Variants in PPP3CA observed in about 807,000 individuals in gnomAD.
PPP3CA encodes the protein CAM-PRP catalytic subunit.
A neutral mutation model predicts 66.5 loss-of-function variants in PPP3CA; 14 were observed. The ratio of observed to expected loss-of-function variants is 0.21; its 90% confidence interval spans 0.14 to 0.33. The LOEUF is 0.33. Ranked by LOEUF, PPP3CA falls within the 10% of genes least tolerant of loss-of-function variation. The pLI is 1.00. For synonymous variants in PPP3CA, 232 were observed against 226.2 expected, an observed-to-expected ratio of 1.03 and a Z score of -0.23; for missense variants, 317 against 639.5, an observed-to-expected ratio of 0.50 and a Z score of 5.44.
At chr4:101,282,627 A>G (rs17031119) in intron 1 of PPP3CA, among the ~76,000 whole-genome samples, 3,235 of 152,296 alleles carry the variant, frequency 0.021, 99 homozygotes, top group African/African-American at 0.074. Context: ...CAACCCAAAT[A>G]ATACTATTGT....
At chr4:101,230,573 A>C (rs935670209) in intron 1 of PPP3CA, among the ~76,000 whole-genome samples, 8 of 151,562 alleles carry the variant, frequency 5.3e-5, no homozygotes, top group Non-Finnish European at 1.2e-4. Context: ...ATAAAATAAA[A>C]AATGAATAAA....
intron 11 of PPP3CA, among the ~76,000 whole-genome samples, chr4:101,034,581 C>A (rs1727158081): frequency 6.6e-6 from 1 of 150,738 alleles, no homozygotes. Flanking sequence ...AGCACCCAGA[C>A]TAGAACAGTA....
intron 6 of PPP3CA, among the ~76,000 whole-genome samples, chr4:101,085,986 T>C (rs1037420452): frequency 6.6e-6 from 1 of 152,146 alleles, no homozygotes; most frequent in Non-Finnish European, 1.5e-5. Context: ...CAGTGATGAT[T>C]GTTCCATTTG....
intron 1 of PPP3CA, among the ~76,000 whole-genome samples, chr4:101,260,008 A>T (rs1560685729): frequency 6.6e-6 from 1 of 152,182 alleles, no homozygotes. Context: ...TTCAAGGCAG[A>T]AACTGCTGTC....
intron 10 of PPP3CA, among the ~76,000 whole-genome samples, chr4:101,055,189 T>A (rs1251845986): frequency 6.6e-6 from 1 of 152,132 alleles, no homozygotes; most frequent in Non-Finnish European, 1.5e-5. Flanking sequence ...TTACTGTTTC[T>A]CCAGACTTCC....
chr4:101,109,881 G>A (rs993565008), intron 2 of PPP3CA, among the ~76,000 whole-genome samples: 8 of 151,704 alleles, frequency 5.3e-5, no homozygotes, highest in South Asian at 2.1e-4. Flanking sequence ...TACTTATTTC[G>A]TTTCCACTTT....
intron 2 of PPP3CA, among the ~76,000 whole-genome samples, chr4:101,126,764 C>T (rs746382607): frequency 1.3e-5 from 2 of 152,200 alleles, no homozygotes; most frequent in Non-Finnish European, 2.9e-5. Context: ...AAAATAAACA[C>T]ATTCTCATTC....
intron 1 of PPP3CA, among the ~76,000 whole-genome samples, chr4:101,237,447 G>C (rs371325159): frequency 6.6e-6 from 1 of 151,876 alleles, no homozygotes; most frequent in East Asian, 1.9e-4. Context: ...TATTATACAC[G>C]ATCAACTTAT....
chr4:101,098,315 T>C (rs1274827786), intron 5 of PPP3CA, 52 bp downstream of exon 5: 2 of 1,506,830 alleles, frequency 1.3e-6, no homozygotes, highest in East Asian at 2.5e-5. Flanking sequence ...ATGTCTTCTA[T>C]TTATTACTGT....
chr4:101,107,779 A>G (rs1358049528), intron 3 of PPP3CA, among the ~76,000 whole-genome samples: 2 of 152,214 alleles, frequency 1.3e-5, no homozygotes, highest in Non-Finnish European at 2.9e-5. Context: ...CACTGAAATA[A>G]AAATTTTGAA....
intron 11 of PPP3CA, among the ~76,000 whole-genome samples, chr4:101,032,726 T>TAA (rs1553920425): frequency 6.6e-6 from 1 of 152,120 alleles, no homozygotes; most frequent in African/African-American, 2.4e-5. Context: ...ATGCTGATGT[T>TAA]AAGTTTTTCA....
chr4:101,174,090 C>A (rs942400723), intron 2 of PPP3CA, among the ~76,000 whole-genome samples: 3 of 151,348 alleles, frequency 2.0e-5, no homozygotes, highest in African/African-American at 7.3e-5. Flanking sequence ...AAAACTACGC[C>A]CCCCCCACCC....
At chr4:101,203,941 A>G (rs1725046584) in intron 1 of PPP3CA, among the ~76,000 whole-genome samples, 1 of 152,218 alleles carries the variant, frequency 6.6e-6, no homozygotes, top group Admixed American at 6.5e-5. Context: ...AGCATTATTG[A>G]TAAGTTTAAA....
chr4:101,080,383 G>A, intron 8 of PPP3CA, 149 bp downstream of exon 8: 1 of 368,954 alleles, frequency 2.7e-6, no homozygotes, highest in East Asian at 4.1e-5. Context: ...TATCTTTGAG[G>A]ATAATCACAA....
In PPP3CA at chr4:101,195,932, A is replaced by G. The variant is rs538155752; in HGVS notation, c.243T>C (p.Ile81=). Residue 81 remains isoleucine (I), a synonymous_variant, in exon 2 of 14, where the codon ATT becomes ATC. Transcript: ENST00000394854. ...AGGACTTACCAGTGACTGGCGCATC[A>G]ATATCCAGCAAATTTTTTTCCTGTC... ...ILRQEKNLLD[I]DAPVTVCGDI... 3 of 1,613,926 alleles carry G rather than the reference A, an allele frequency of 1.9e-6. No homozygotes were observed. The highest frequency in any genetic ancestry group is 4.5e-5 in the East Asian group (2 of 44,872).
intron 2 of PPP3CA, among the ~76,000 whole-genome samples, chr4:101,168,391 T>C (rs112351151): frequency 1.3e-5 from 2 of 152,100 alleles, no homozygotes; most frequent in African/African-American, 4.8e-5. Context: ...TAACTAGAAA[T>C]ATGAGACTGG....
At chr4:101,173,724 T>C (rs1723960376) in intron 2 of PPP3CA, among the ~76,000 whole-genome samples, 1 of 152,146 alleles carries the variant, frequency 6.6e-6, no homozygotes, top group South Asian at 2.1e-4. Flanking sequence ...ATAACCTCTC[T>C]GTTTTATATT....
chr4:101,128,355 A>G (rs1463100137), intron 2 of PPP3CA, among the ~76,000 whole-genome samples: 3 of 152,150 alleles, frequency 2.0e-5, no homozygotes, highest in Non-Finnish European at 2.9e-5. Flanking sequence ...ATCATACATT[A>G]TATGTATTGA....
rs1286623019 is a variant in PPP3CA, at chr4:101,023,464, T to C, written c.*2401A>G. On this transcript the variant is annotated 3_prime_UTR_variant, in exon 14 of 14. Transcript: ENST00000394854. ...ATGTCAAATGTTTATTTCTATGCCA[T>C]AGTTGCCTCAGCACAATTTGTAAAA... is the stretch of plus-strand genomic sequence containing the variant. The C allele has an allele frequency of 6.6e-6, 1 of 152,232 alleles. No homozygotes were observed. The highest frequency in any genetic ancestry group is 2.4e-5 in the African/African-American group (1 of 41,454). 9.4% of individuals were successfully genotyped at this position (152,232 alleles called of 1,614,324 possible).
Sources: gnomAD v4.1 joint callset for allele counts (sites outside exome capture counted in the v4.1 genomes callset) on GRCh38, gnomAD v4.1.1 for gene constraint, MANE v1.5 for transcripts, NCBI Gene and HGNC (gene_info 2026-07-23, HGNC 2026-07-21) for gene names.